The following TMTC3 variants were observed in gnomAD, a reference collection of about 807,000 sequenced individuals.
The protein encoded by TMTC3 is protein O-mannosyl-transferase TMTC3.
Under a neutral mutation model 92.2 loss-of-function variants are expected in TMTC3, and 52 were observed. The ratio of observed to expected loss-of-function variants is 0.56; its 90% CI spans 0.45 to 0.71. The LOEUF (loss-of-function observed/expected upper bound fraction) is 0.71. Among genes scored for constraint, TMTC3 ranks in the 30% least tolerant of loss-of-function variants. TMTC3 has a pLI of 0.00. For missense variants in TMTC3, 896 were observed against 1,057.1 expected (o/e 0.85, Z 2.11); for synonymous variants, 339 against 363.3 (o/e 0.93, Z 0.76).
chr12:88,144,602 T>C (rs1302006065), intron 1 of TMTC3, among the ~76,000 whole-genome samples: 1 of 152,166 alleles, frequency 6.6e-6, no homozygotes, highest in Non-Finnish European at 1.5e-5. Context: ...TAAGTAATAA[T>C]TGATGAAGCT....
At chr12:88,162,533 G>C (rs986708580) in intron 6 of TMTC3, among the ~76,000 whole-genome samples, 1 of 151,930 alleles carries the variant, frequency 6.6e-6, no homozygotes, top group Non-Finnish European at 1.5e-5. Flanking sequence ...GCTATATCAA[G>C]TTCACTAATC....
chr12:88,151,792 C>G (rs1460604328), intron 2 of TMTC3, among the ~76,000 whole-genome samples: 1 of 152,224 alleles, frequency 6.6e-6, no homozygotes, highest in Non-Finnish European at 1.5e-5. Flanking sequence ...TTTCTACTTT[C>G]TAGTACAAAT....
intron 6 of TMTC3, 78 bp downstream of exon 6, chr12:88,160,929 GTATTT>G (rs1287969800): frequency 7.2e-7 from 1 of 1,380,122 alleles, no homozygotes; most frequent in African/African-American, 1.5e-5. Context: ...GTTGAAGAAA[GTATTT>G]TATTTTGTTT....
At chr12:88,187,485 T>C (rs2041391418) in intron 10 of TMTC3, among the ~76,000 whole-genome samples, 1 of 152,176 alleles carries the variant, frequency 6.6e-6, no homozygotes, top group Non-Finnish European at 1.5e-5. Flanking sequence ...TATTCTGATT[T>C]GCAGCCAGAA....
chr12:88,152,471 G>A, intron 2 of TMTC3, among the ~76,000 whole-genome samples: 1 of 152,142 alleles, frequency 6.6e-6, no homozygotes, highest in Non-Finnish European at 1.5e-5. Context: ...ATGAGATTTG[G>A]AGGGGACAAA....
At chr12:88,184,039 C>T (rs761439289) in intron 10 of TMTC3, among the ~76,000 whole-genome samples, 30 of 152,020 alleles carry the variant, frequency 2.0e-4, no homozygotes, top group Non-Finnish European at 3.4e-4. Context: ...CACCACCTGC[C>T]GAGTCTGTCC....
At chr12:88,162,505 G>A (rs1352912604) in intron 6 of TMTC3, among the ~76,000 whole-genome samples, 1 of 151,816 alleles carries the variant, frequency 6.6e-6, no homozygotes, top group Non-Finnish European at 1.5e-5. Flanking sequence ...ACCATTTTTA[G>A]TTTGGATAGT....
chr12:88,153,262 A>T, intron 2 of TMTC3, 29 bp from the exon 3 acceptor site: 1 of 1,546,086 alleles, frequency 6.5e-7, no homozygotes, highest in Non-Finnish European at 8.8e-7. Flanking sequence ...AAGGTACTTT[A>T]ATAATCACTG....
rs1465057084 is a variant in TMTC3 at position 88,195,765 on chromosome 12, C to T, written c.*116C>T. The T allele has an allele frequency of 1.3e-6, 1 of 759,626 alleles. No individual in the cohort carries two copies. The highest frequency in any genetic ancestry group is 2.0e-6 in the Non-Finnish European group (1 of 487,958). The allele number at this position is 759,626 out of a possible 1,614,324, so 47.1% of individuals were successfully genotyped here. On this transcript the variant is annotated 3_prime_UTR_variant, in exon 14 of 14. Transcript: ENST00000266712. ...GTTCCTAATGGTCAATCATGAGCTG[C>T]CTTGAAGTAGGATCAAAATAAGATT...
rs2041519318 is a variant in TMTC3, at chr12:88,196,860, G to A, written c.*1211G>A. On this transcript the variant is annotated 3_prime_UTR_variant, in exon 14 of 14. Transcript: ENST00000266712. The stretch of plus-strand genomic sequence containing the variant: ...AATGTCTGGATATAAAAGATAATTA[G>A]CCTACTATAGTATTAATAAATTTTT... 6.6e-6 allele frequency: 1 copy of A among 151,618 alleles called. No individual in the cohort carries two copies. The highest frequency in any genetic ancestry group is 1.5e-5 in the Non-Finnish European group (1 of 67,732). The allele number at this position is 151,618 out of a possible 1,614,324, so 9.4% of individuals were successfully genotyped here. A position where few individuals can be genotyped will look rare whatever the true frequency, so the allele number is the denominator to read the frequency against.
At chr12:88,174,313 G>T (rs1592739303) in intron 8 of TMTC3, among the ~76,000 whole-genome samples, 1 of 151,944 alleles carries the variant, frequency 6.6e-6, no homozygotes, top group Non-Finnish European at 1.5e-5. Flanking sequence ...AGTGTAAAAA[G>T]TCACGTTTAA....
chr12:88,171,215 GGTTTT>G (rs2138403927), intron 7 of TMTC3, among the ~76,000 whole-genome samples: 1 of 151,760 alleles, frequency 6.6e-6, no homozygotes, highest in Admixed American at 6.6e-5. Flanking sequence ...CAGCATTTGT[GGTTTT>G]GTTTTGTTGA....
intron 6 of TMTC3, among the ~76,000 whole-genome samples, chr12:88,161,792 C>G (rs564212565): frequency 6.7e-6 from 1 of 150,262 alleles, no homozygotes; most frequent in South Asian, 2.1e-4. Context: ...ATTCTAATTT[C>G]GAATATATAT....
rs184165777 is a variant in TMTC3, at chr12:88,172,937, C to T, written c.1199+192C>T. On this transcript the variant is annotated intron_variant, in intron 8 of 13. Coordinates refer to ENST00000266712, the MANE Select transcript of TMTC3 (RefSeq NM_181783.4). Reference sequence around the variant, plus strand: ...TGGCACCTACTTATTCTGTGTTCTTCCCTATATTTATGTAATTTGATTTTA... The same window carrying T: ...TGGCACCTACTTATTCTGTGTTCTTTCCTATATTTATGTAATTTGATTTTA... 23 of 1,480,440 alleles carry T rather than the reference C, an allele frequency of 1.6e-5. No homozygotes were observed. The African/African-American group carries it at 3.2e-4, about 21-fold the overall frequency. 91.7% of individuals were successfully genotyped at this position (1,480,440 alleles called of 1,614,324 possible).
chr12:88,160,561 T>C (rs2041064357), intron 5 of TMTC3, 118 bp from the exon 6 acceptor site: 1 of 913,128 alleles, frequency 1.1e-6, no homozygotes, highest in Admixed American at 2.8e-5. Flanking sequence ...CACACATTCT[T>C]CCACATTAAT....
At chr12:88,146,403 G>A (rs1338764571) in intron 1 of TMTC3, among the ~76,000 whole-genome samples, 2 of 151,982 alleles carry the variant, frequency 1.3e-5, no homozygotes, top group Non-Finnish European at 2.9e-5. Flanking sequence ...GTTGTCCTGA[G>A]ATCATCATTT....
chr12:88,143,087 A>C (rs1389038341), intron 1 of TMTC3, among the ~76,000 whole-genome samples: 1 of 151,490 alleles, frequency 6.6e-6, no homozygotes, highest in Non-Finnish European at 1.5e-5. Flanking sequence ...ATACATCTCT[A>C]CCTAACTTTC....
In TMTC3 at chr12:88,198,107, C is replaced by G. The variant is rs1182695599; in HGVS notation, c.*2458C>G. On this transcript the variant is annotated 3_prime_UTR_variant, in exon 14 of 14. Coordinates refer to ENST00000266712, the MANE Select transcript of TMTC3 (RefSeq NM_181783.4). Reference sequence around the variant, plus strand: ...TACATGAAATTTAAGAGTTTAAGTTCCATCAAACTAGCCCTTGTGTAAGAT... The same window carrying G: ...TACATGAAATTTAAGAGTTTAAGTTGCATCAAACTAGCCCTTGTGTAAGAT... 1.0e-5 allele frequency: 4 copies of G among 385,372 alleles called. No homozygotes were observed. Among genetic ancestry groups the G allele is most frequent in the South Asian group, 1.4e-4 (1 of 6,928 alleles). The allele number at this position is 385,372 out of a possible 1,614,324, so 23.9% of individuals were successfully genotyped here.
intron 13 of TMTC3, among the ~76,000 whole-genome samples, chr12:88,194,601 G>A (rs1212008987): frequency 6.6e-6 from 1 of 151,902 alleles, no homozygotes. Flanking sequence ...CTCTCCTTTT[G>A]GTTTCTGAAG....
Sources: allele counts gnomAD v4.1 joint callset (sites outside exome capture counted in the v4.1 genomes callset), GRCh38; gene constraint gnomAD v4.1.1; transcripts MANE v1.5; gene names NCBI Gene and HGNC (gene_info 2026-07-23, HGNC 2026-07-21).